Variants in AGMO observed in about 807,000 individuals in gnomAD.
AGMO encodes alkylglycerol monooxygenase.
A neutral mutation model predicts 60.2 loss-of-function variants in AGMO; 75 were observed. That is an observed-to-expected ratio of 1.25 (90% CI 1.03 to 1.51). AGMO has a LOEUF of 1.51. AGMO is among the 40% of genes most tolerant of loss of function. The pLI, the probability that AGMO is intolerant of heterozygous loss-of-function variation, is 0.00. For synonymous variants in AGMO, 261 were observed against 177.1 expected (o/e 1.47, Z -3.76); for missense variants, 763 against 525.5 (o/e 1.45, Z -4.42).
chr7:15,144,996 A>T, the AGMO span, among the ~76,000 whole-genome samples: 9 of 152,116 alleles, frequency 5.9e-5, no homozygotes, highest in African/African-American at 2.2e-4. Context: ...CGCTTTGCTA[A>T]TTTTTTTATT....
At chr7:15,374,660 C>T (rs569820109) in intron 10 of AGMO, among the ~76,000 whole-genome samples, 4 of 152,082 alleles carry the variant, frequency 2.6e-5, no homozygotes, top group East Asian at 1.9e-4. Context: ...AAAAGAACAG[C>T]GATCTCAGGG....
At chr7:15,248,224 A>ATATATAT (rs1486326352) in intron 12 of AGMO, among the ~76,000 whole-genome samples, 1 of 98,748 alleles carries the variant, frequency 1.0e-5, no homozygotes, top group Non-Finnish European at 2.1e-5. Context: ...ATATATATAT[A>ATATATAT]TCTTCATCTT....
intron 12 of AGMO, among the ~76,000 whole-genome samples, chr7:15,322,517 AATATATATAAATATATAAAT>A (rs1563086134): frequency 2.0e-4 from 15 of 74,866 alleles, no homozygotes; most frequent in African/African-American, 9.9e-4. Flanking sequence ...TATATATATA[AATATATATAAATATATAAAT>A]ATATATATAA....
intron 3 of AGMO, among the ~76,000 whole-genome samples, chr7:15,502,190 T>G (rs550469978): frequency 6.6e-6 from 1 of 152,052 alleles, no homozygotes; most frequent in Non-Finnish European, 1.5e-5. Flanking sequence ...CCCAAGTTTA[T>G]TTTTTCTTGC....
chr7:15,239,981 T>C (rs552213320), intron 12 of AGMO, among the ~76,000 whole-genome samples: 1 of 152,286 alleles, frequency 6.6e-6, no homozygotes, highest in South Asian at 2.1e-4. Flanking sequence ...CTTGTTGCTT[T>C]ATCTTTTGTC....
At chr7:15,555,771 G>A (rs1031255518) in intron 2 of AGMO, among the ~76,000 whole-genome samples, 1 of 151,940 alleles carries the variant, frequency 6.6e-6, no homozygotes, top group Non-Finnish European at 1.5e-5. Flanking sequence ...CACCAGGGAA[G>A]GTTCATCTAA....
intron 3 of AGMO, among the ~76,000 whole-genome samples, chr7:15,475,253 G>A (rs1011376185): frequency 2.0e-5 from 3 of 152,030 alleles, no homozygotes; most frequent in African/African-American, 7.2e-5. Flanking sequence ...ATATGTTATT[G>A]CAGTACTATT....
At chr7:15,517,837 G>C (rs1299165623) in intron 3 of AGMO, among the ~76,000 whole-genome samples, 2 of 151,992 alleles carry the variant, frequency 1.3e-5, no homozygotes, top group African/African-American at 2.4e-5. Flanking sequence ...TCACTTCCCT[G>C]GAAAGGGAGC....
chr7:15,191,361 CCTAGGAA>C, the AGMO span, among the ~76,000 whole-genome samples: 1 of 152,082 alleles, frequency 6.6e-6, no homozygotes, highest in Non-Finnish European at 1.5e-5. Context: ...ACATAATCCC[CCTAGGAA>C]CCCAGGTACT....
At chr7:15,341,606 G>T (rs538525891) in intron 12 of AGMO, among the ~76,000 whole-genome samples, 61 of 152,186 alleles carry the variant, frequency 4.0e-4, no homozygotes, top group African/African-American at 1.4e-3. Context: ...AGTTCCAAAG[G>T]TCCTTCCACA....
intron 12 of AGMO, among the ~76,000 whole-genome samples, chr7:15,281,523 C>G (rs1424718046): frequency 6.6e-6 from 1 of 152,030 alleles, no homozygotes; most frequent in Admixed American, 6.6e-5. Context: ...AACATTGGGT[C>G]AGGAGTGTGT....
chr7:15,234,349 A>ATC, intron 12 of AGMO, among the ~76,000 whole-genome samples: 1 of 152,174 alleles, frequency 6.6e-6, no homozygotes, highest in South Asian at 2.1e-4. Context: ...TTTTCTCTAT[A>ATC]TCTTCCTCAC....
At chr7:15,319,576 G>A (rs1781042724) in intron 12 of AGMO, among the ~76,000 whole-genome samples, 1 of 152,092 alleles carries the variant, frequency 6.6e-6, no homozygotes, top group African/African-American at 2.4e-5. Flanking sequence ...AGAAATTTTG[G>A]CAATGGTAAT....
intron 3 of AGMO, among the ~76,000 whole-genome samples, chr7:15,516,722 G>C (rs1334116865): frequency 6.6e-6 from 1 of 151,758 alleles, no homozygotes; most frequent in Non-Finnish European, 1.5e-5. Flanking sequence ...TATTTCACAG[G>C]AGACTCAGCC....
the AGMO span, among the ~76,000 whole-genome samples, chr7:15,125,117 C>T: frequency 6.6e-6 from 1 of 152,088 alleles, no homozygotes; most frequent in African/African-American, 2.4e-5. Flanking sequence ...TCATCGCATC[C>T]AAAACCAAGA....
chr7:15,246,256 C>CT (rs1238868624), intron 12 of AGMO, among the ~76,000 whole-genome samples: 2 of 152,150 alleles, frequency 1.3e-5, no homozygotes, highest in Non-Finnish European at 2.9e-5. Context: ...TTTTTCCAAA[C>CT]TGAATAGGCT....
At chr7:15,320,884 GTTT>G (rs1222970447) in intron 12 of AGMO, among the ~76,000 whole-genome samples, 1 of 152,108 alleles carries the variant, frequency 6.6e-6, no homozygotes, top group Non-Finnish European at 1.5e-5. Flanking sequence ...TATAACTTTA[GTTT>G]TTTAAAACAA....
chr7:15,509,657 A>G (rs2128529544), intron 3 of AGMO, among the ~76,000 whole-genome samples: 1 of 152,312 alleles, frequency 6.6e-6, no homozygotes, highest in South Asian at 2.1e-4. Flanking sequence ...TTCAAAGCAA[A>G]TCATCTATCT....
At chr7:15,161,101 C>T in the AGMO span, among the ~76,000 whole-genome samples, 6 of 152,142 alleles carry the variant, frequency 3.9e-5, no homozygotes, top group African/African-American at 1.4e-4. Flanking sequence ...GAGGGCAGAG[C>T]CCTCATAGCC....
Sources: allele counts gnomAD v4.1 joint callset (sites outside exome capture counted in the v4.1 genomes callset), GRCh38; gene constraint gnomAD v4.1.1; transcripts MANE v1.5; gene names NCBI Gene and HGNC (gene_info 2026-07-23, HGNC 2026-07-21).